The following MACF1 variants were observed in gnomAD, a reference collection of about 807,000 sequenced individuals.
MACF1 encodes the protein microtubule-actin cross-linking factor 1.
In MACF1, 193 loss-of-function variants were observed where a neutral mutation model predicts 854.8. The ratio of observed to expected loss-of-function variants is 0.23; its 90% CI spans 0.20 to 0.25. MACF1 has a LOEUF of 0.25. Ranked by LOEUF, MACF1 falls within the 10% of genes least tolerant of loss-of-function variation. MACF1 has a pLI of 1.00. For missense variants in MACF1, 7,722 were observed against 8,929.1 expected, an observed-to-expected ratio of 0.86 and a Z score of 5.45; for synonymous variants, 3,185 against 3,226.7, an observed-to-expected ratio of 0.99 and a Z score of 0.44.
intron 6 of MACF1, among the ~76,000 whole-genome samples, chr1:39,280,599 A>G (rs1337378573): frequency 1.3e-5 from 2 of 152,038 alleles, no homozygotes; most frequent in African/African-American, 4.8e-5. Context: ...TGTTTTTGAG[A>G]CAGAGTCTCA....
intron 58 of MACF1, chr1:39,413,786 C>G (rs774535671): frequency 6.2e-7 from 1 of 1,611,912 alleles, no homozygotes; most frequent in South Asian, 1.1e-5. Flanking sequence ...TCCCCAGCTG[C>G]TGCAGTGCCC....
At chr1:39,240,620 T>A (rs541222697) in intron 2 of MACF1, among the ~76,000 whole-genome samples, 7 of 152,338 alleles carry the variant, frequency 4.6e-5, no homozygotes, top group African/African-American at 1.7e-4. Flanking sequence ...TGCCTCAGCC[T>A]CCCGAGTAGC....
At chr1:39,296,144 C>T (rs1645895377) in intron 20 of MACF1, among the ~76,000 whole-genome samples, 1 of 152,192 alleles carries the variant, frequency 6.6e-6, no homozygotes, top group Non-Finnish European at 1.5e-5. Context: ...AATGGCATTG[C>T]TCATGTCTGA....
At chr1:39,132,371 C>T (rs1643025311) in intron 2 of MACF1, among the ~76,000 whole-genome samples, 1 of 151,906 alleles carries the variant, frequency 6.6e-6, no homozygotes, top group Non-Finnish European at 1.5e-5. Context: ...ACTTTTTTGG[C>T]TCTTTTCCCT....
intron 61 of MACF1, 110 bp downstream of exon 61, chr1:39,424,304 T>G (rs1236373824): frequency 4.8e-6 from 4 of 841,404 alleles, no homozygotes; most frequent in Non-Finnish European, 1.8e-6. Context: ...GGAAGGTGTT[T>G]AATGGCTTTT....
In MACF1 at chr1:39,287,435, A is replaced by G. The variant is rs757284080; in HGVS notation, c.1658A>G (p.His553Arg). 14 of 1,613,964 alleles carry G rather than the reference A, an allele frequency of 8.7e-6. No homozygotes were observed. Among genetic ancestry groups the G allele is most frequent in the East Asian group, 4.5e-5 (2 of 44,876 alleles). ...LKAEPLTKAT[H>R]SSSTSWFRKP... ...GCAGAACCCTTAACCAAGGCAACCCATTCTTCTTCTACCTCCTGGTTCCGA... is the reference window on the plus strand; with the variant it reads ...GCAGAACCCTTAACCAAGGCAACCCGTTCTTCTTCTACCTCCTGGTTCCGA... The change falls in exon 15 of 101, where the codon CAT (histidine) becomes CGT (arginine). Residue 553 changes from histidine (H) to arginine (R), a missense_variant. Physicochemically the swap from His to Arg is conservative, Grantham distance 29. This residue lies in a region of MACF1 where 1,137 missense variants were observed against 1,263.0 expected (regional missense o/e 0.90). Coordinates refer to ENST00000564288, the MANE Select transcript of MACF1 (RefSeq NM_001394062.1).
At chr1:39,170,371 A>C (rs968581028) in intron 2 of MACF1, among the ~76,000 whole-genome samples, 2 of 152,312 alleles carry the variant, frequency 1.3e-5, no homozygotes, top group Non-Finnish European at 2.9e-5. Context: ...AAATGTGGTG[A>C]CCAAAGCCAA....
chr1:39,373,466 A>G (rs1649430658), intron 52 of MACF1: 1 of 127,758 alleles, frequency 7.8e-6, no homozygotes, highest in South Asian at 2.7e-4. Flanking sequence ...GTGAGACTCC[A>G]TCTCAGGAAA....
rs993984912 is a variant in MACF1 at position 39,254,087 on chromosome 1, G to A, written c.358-211G>A. 3 of 545,290 alleles carry A rather than the reference G, an allele frequency of 5.5e-6. No homozygotes were observed. In the African/African-American group the frequency reaches 5.7e-5, roughly 10 times the overall value. 33.8% of individuals were successfully genotyped at this position (545,290 alleles called of 1,614,324 possible). On this transcript the variant is annotated intron_variant, in intron 4 of 100. Transcript: ENST00000564288. Reference sequence around the variant, plus strand: ...GTATTCTGTGTTTGCGAGATGCGTAGTGGTACACAAGACATTTGGGGACCT... The same window carrying A: ...GTATTCTGTGTTTGCGAGATGCGTAATGGTACACAAGACATTTGGGGACCT...
At chr1:39,485,226 T>C (rs1645082211) in intron 100 of MACF1, 1 of 351,330 alleles carries the variant, frequency 2.8e-6, no homozygotes. Flanking sequence ...GCCCATGGAT[T>C]AGCCCGGCTG....
intron 58 of MACF1, among the ~76,000 whole-genome samples, chr1:39,415,796 T>A (rs17343193): frequency 0.16 from 24,294 of 152,140 alleles, 2,425 homozygotes; most frequent in Middle Eastern, 0.22. Context: ...CAGGTTTGAT[T>A]TGGTCAGTGG....
chr1:39,271,659 ATTG>A lies in MACF1; in HGVS notation c.529-10544_529-10542del, dbSNP rs373492381. On this transcript the variant is annotated intron_variant, in intron 6 of 100. Transcript: ENST00000564288. ...GGGGGTAAAACCAGCTGTGGAACTG[ATTG>A]TTGTACAACTGGCATTAAAATTGAA... Among the ~76,000 whole-genome samples the A allele has an allele frequency of 6.1e-3, 929 of 152,346 alleles. 6 individuals are homozygous for A. Among genetic ancestry groups the A allele is most frequent in the Non-Finnish European group, 9.7e-3 (661 of 68,030 alleles).
At chr1:39,168,724 A>G (rs1431366056) in intron 2 of MACF1, among the ~76,000 whole-genome samples, 1 of 152,136 alleles carries the variant, frequency 6.6e-6, no homozygotes, top group Non-Finnish European at 1.5e-5. Flanking sequence ...TAAAATGGGG[A>G]TAATAATATC....
intron 89 of MACF1, 57 bp from the exon 90 acceptor site, chr1:39,458,313 C>T (rs112004442): frequency 6.4e-7 from 1 of 1,569,754 alleles, no homozygotes; most frequent in South Asian, 1.1e-5. Flanking sequence ...TTCCTTTGCC[C>T]CCATAAGAGT....
At chr1:39,346,609 T>G (rs1473601591) in intron 40 of MACF1, among the ~76,000 whole-genome samples, 1 of 147,354 alleles carries the variant, frequency 6.8e-6, no homozygotes, top group Non-Finnish European at 1.5e-5. Flanking sequence ...AACCTCTGCC[T>G]CCCGGGTTCA....
At chr1:39,329,239 A>G (rs1326128049) in intron 36 of MACF1, among the ~76,000 whole-genome samples, 1 of 152,210 alleles carries the variant, frequency 6.6e-6, no homozygotes, top group Non-Finnish European at 1.5e-5. Context: ...CAGTTATTCC[A>G]TTGATTGAAC....
chr1:39,185,057 C>T (rs1057329963), intron 2 of MACF1, among the ~76,000 whole-genome samples: 3 of 151,650 alleles, frequency 2.0e-5, no homozygotes, highest in South Asian at 2.1e-4. Context: ...TTTGGGAGGC[C>T]GAGGCAGGTG....
chr1:39,172,600 C>T lies in MACF1; in HGVS notation c.221-58582C>T, dbSNP rs74614526. ...TACTAATCACACATTAATTTGTCTG[C>T]TCACTCTGGGGATTTCAAGGCCAGG... On this transcript the variant is annotated intron_variant, in intron 2 of 93. Coordinates refer to the MACF1 transcript ENST00000361689. Among the ~76,000 whole-genome samples, 94 of 152,306 alleles carry T rather than the reference C, an allele frequency of 6.2e-4. No individual in the cohort carries two copies. The East Asian group carries it at 0.016, about 26-fold the overall frequency.
intron 2 of MACF1, among the ~76,000 whole-genome samples, chr1:39,147,314 TTTCC>T (rs963917928): frequency 1.3e-4 from 19 of 151,142 alleles, no homozygotes; most frequent in East Asian, 1.9e-4. Flanking sequence ...CTTCCTCTTT[TTTCC>T]TTCCTTCCTT....
Sources: gnomAD v4.1 joint callset for allele counts (sites outside exome capture counted in the v4.1 genomes callset) on GRCh38, gnomAD v4.1.1 for gene constraint, gnomAD v4.1.1 regional missense constraint, MANE v1.5 for transcripts, NCBI Gene and HGNC (gene_info 2026-07-23, HGNC 2026-07-21) for gene names.